Variants in GRXCR1 observed in about 807,000 individuals in gnomAD.
GRXCR1 encodes the protein glutaredoxin domain-containing cysteine-rich protein 1.
Under a neutral mutation model 27.3 loss-of-function variants are expected in GRXCR1, and 27 were observed. That is an observed-to-expected ratio of 0.99 (90% CI 0.73 to 1.37). The LOEUF (loss-of-function observed/expected upper bound fraction) is 1.37. Ranked by LOEUF, GRXCR1 falls within the 40% of genes most tolerant of loss-of-function variation. The probability of loss-of-function intolerance (pLI) is 0.00; values close to 1 mark genes in which losing one functional copy is unlikely to be tolerated. For synonymous variants in GRXCR1, 122 were observed against 131.1 expected (o/e 0.93, Z 0.47); for missense variants, 379 against 354.4 (o/e 1.07, Z -0.56).
At chr4:43,015,193 G>A (rs74762669) in intron 2 of GRXCR1, among the ~76,000 whole-genome samples, 6,859 of 152,158 alleles carry the variant, frequency 0.045, 459 homozygotes, top group African/African-American at 0.15. Context: ...TCAAAAGACA[G>A]GGCTAAGAAT....
Position 42,993,088 on chromosome 4 carries a change from G to A in GRXCR1, c.628-27266G>A, listed in dbSNP as rs146449747. 2.3e-3 allele frequency among the ~76,000 whole-genome samples: 351 copies of A among 151,836 alleles called. 3 individuals carry two copies. The highest frequency in any genetic ancestry group is 0.017 in the South Asian group (81 of 4,804). On this transcript the variant is annotated intron_variant, in intron 2 of 3. Coordinates refer to ENST00000399770, the MANE Select transcript of GRXCR1 (RefSeq NM_001080476.3). The stretch of plus-strand genomic sequence containing the variant: ...GATTTCTCCCTTGCTATGTCCCCTC[G>A]TTCTCCCTCTGTTCCTTTCTTCTTT...
chr4:42,893,802 A>G (rs1015326967), intron 1 of GRXCR1, 152 bp downstream of exon 1: 77 of 821,544 alleles, frequency 9.4e-5, no homozygotes, highest in Non-Finnish European at 1.4e-4. Flanking sequence ...CCTAACAGCT[A>G]TCAATTAAAA....
At chr4:42,898,449 A>G (rs1043425229) in intron 1 of GRXCR1, among the ~76,000 whole-genome samples, 7 of 137,336 alleles carry the variant, frequency 5.1e-5, no homozygotes, top group African/African-American at 1.7e-4. Context: ...CTATCTCAGG[A>G]TGGGTAGTGT....
chr4:42,948,378 A>G (rs568357764), intron 1 of GRXCR1, among the ~76,000 whole-genome samples: 1 of 152,090 alleles, frequency 6.6e-6, no homozygotes, highest in Non-Finnish European at 1.5e-5. Flanking sequence ...CCATTTCTTC[A>G]GTAGCATCTT....
intron 2 of GRXCR1, among the ~76,000 whole-genome samples, chr4:42,985,071 G>A (rs1231468848): frequency 6.6e-6 from 1 of 152,076 alleles, no homozygotes; most frequent in African/African-American, 2.4e-5. Flanking sequence ...TTCAAGGAGG[G>A]GTGACATGGA....
At chr4:42,957,607 A>G (rs1278066632) in intron 1 of GRXCR1, among the ~76,000 whole-genome samples, 2 of 151,592 alleles carry the variant, frequency 1.3e-5, no homozygotes, top group Non-Finnish European at 2.9e-5. Flanking sequence ...GGTGTGCTTC[A>G]TTATTTCTTA....
At position 42,967,902 on chromosome 4, in the gene GRXCR1, A is replaced by C. The variant is rs80019481; in HGVS notation, c.627+4768A>C. ...GAGCACTTTACTCAATGCCCCATGA[A>C]TTATGAGGTTTTCCAGTCTTACTGT... On this transcript the variant is annotated intron_variant, in intron 2 of 3. Coordinates refer to ENST00000399770, the MANE Select transcript of GRXCR1 (RefSeq NM_001080476.3). Among the ~76,000 whole-genome samples the C allele has an allele frequency of 5.2e-3, 796 of 152,224 alleles. 6 individuals carry two copies. The highest frequency in any genetic ancestry group is 0.018 in the African/African-American group (764 of 41,552).
At chr4:42,971,373 G>T (rs1479292611) in intron 2 of GRXCR1, among the ~76,000 whole-genome samples, 1 of 151,982 alleles carries the variant, frequency 6.6e-6, no homozygotes, top group African/African-American at 2.4e-5. Flanking sequence ...TCCTGTATTA[G>T]TTCATTTTCA....
intron 1 of GRXCR1, among the ~76,000 whole-genome samples, chr4:42,925,541 T>C (rs1028164353): frequency 1.3e-5 from 2 of 152,044 alleles, no homozygotes; most frequent in Non-Finnish European, 2.9e-5. Flanking sequence ...TTGGTTATCA[T>C]TGCCATTTAT....
chr4:43,004,853 A>G (rs181091384), intron 2 of GRXCR1, among the ~76,000 whole-genome samples: 2 of 152,324 alleles, frequency 1.3e-5, no homozygotes, highest in African/African-American at 4.8e-5. Context: ...GATTGTGGAC[A>G]TGGACGTTTG....
In GRXCR1 at chr4:42,916,333, A is replaced by T. The variant is rs1023099420; in HGVS notation, c.384+22683A>T. Among the ~76,000 whole-genome samples the T allele has an allele frequency of 2.6e-5, 4 of 152,162 alleles. No individual in the cohort carries two copies. The East Asian group carries it at 7.7e-4, about 29-fold the overall frequency. On this transcript the variant is annotated intron_variant, in intron 1 of 3. Coordinates refer to ENST00000399770, the MANE Select transcript of GRXCR1 (RefSeq NM_001080476.3). ...TAAAGGGAAGTTTTCAGGCACAAAG[A>T]GGACCACCTAAGAAAACAGTAAGTT... is the stretch of plus-strand genomic sequence containing the variant.
chr4:43,028,126 A>T (rs1427414177), intron 3 of GRXCR1, among the ~76,000 whole-genome samples: 1 of 151,750 alleles, frequency 6.6e-6, no homozygotes, highest in African/African-American at 2.4e-5. Flanking sequence ...AAAAAAAAAG[A>T]GATGTTGAAA....
intron 1 of GRXCR1, among the ~76,000 whole-genome samples, chr4:42,918,747 A>T (rs1746941510): frequency 6.6e-6 from 1 of 152,046 alleles, no homozygotes; most frequent in Admixed American, 6.6e-5. Flanking sequence ...CCTTTTTGAC[A>T]TTCCATTACA....
Position 42,893,345 on chromosome 4 carries a change from C to T in GRXCR1, c.79C>T (p.Arg27Ter), listed in dbSNP as rs769983282. 2.4e-5 allele frequency: 38 copies of T among 1,613,542 alleles called. No homozygotes were observed. Among genetic ancestry groups the T allele is most frequent in the Non-Finnish European group, 3.1e-5 (36 of 1,179,800 alleles). Reference sequence around the variant, plus strand: ...TCGGATCGCGTCCTCTCACAGTGGGCGAGTTCTGAAGGAAGTGTATGAAGA... The same window carrying T: ...TCGGATCGCGTCCTCTCACAGTGGGTGAGTTCTGAAGGAAGTGTATGAAGA... ...RFRIASSHSG[R>*]VLKEVYEDGQ... Residue 27 changes from arginine to a stop codon, truncating the protein, a stop_gained, in exon 1 of 4, where the codon CGA (arginine) becomes TGA (stop). Coordinates refer to ENST00000399770, the MANE Select transcript of GRXCR1 (RefSeq NM_001080476.3). LOFTEE classifies it high-confidence loss of function.
intron 2 of GRXCR1, among the ~76,000 whole-genome samples, chr4:42,993,425 T>TA (rs1301954406): frequency 6.6e-6 from 1 of 152,098 alleles, no homozygotes; most frequent in East Asian, 1.9e-4. Context: ...TAGTTTTTAA[T>TA]TGCAGATGCT....
chr4:42,996,348 A>C (rs1213821010), intron 2 of GRXCR1, among the ~76,000 whole-genome samples: 1 of 152,196 alleles, frequency 6.6e-6, no homozygotes, highest in Non-Finnish European at 1.5e-5. Context: ...GGATAGAAAT[A>C]GCTTTGGTTA....
intron 2 of GRXCR1, among the ~76,000 whole-genome samples, chr4:42,997,619 C>T (rs972006415): frequency 2.0e-5 from 3 of 152,166 alleles, no homozygotes; most frequent in Non-Finnish European, 4.4e-5. Flanking sequence ...TCCCCACAGT[C>T]ACCTCCCCTA....
At chr4:42,948,083 TC>T (rs754985006) in intron 1 of GRXCR1, among the ~76,000 whole-genome samples, 2 of 152,202 alleles carry the variant, frequency 1.3e-5, no homozygotes, top group Non-Finnish European at 2.9e-5. Context: ...TGAAAAATTA[TC>T]TAGATTCCTT....
At chr4:43,003,576 G>A (rs1358959118) in intron 2 of GRXCR1, among the ~76,000 whole-genome samples, 1 of 152,214 alleles carries the variant, frequency 6.6e-6, no homozygotes, top group Non-Finnish European at 1.5e-5. Context: ...AGATGGAGAT[G>A]AGAAACTTCT....
Sources: allele counts gnomAD v4.1 joint callset (sites outside exome capture counted in the v4.1 genomes callset), GRCh38; gene constraint gnomAD v4.1.1; transcripts MANE v1.5; gene names NCBI Gene and HGNC (gene_info 2026-07-23, HGNC 2026-07-21).